Variants in AKAP19 observed in about 807,000 individuals in gnomAD.
AKAP19 encodes A-kinase anchoring protein 19.
At chr2:190,174,732 T>C in the AKAP19 span, among the ~76,000 whole-genome samples, 1 of 152,178 alleles carries the variant, frequency 6.6e-6, no homozygotes. Flanking sequence ...TATTGCAGTA[T>C]TTATATGACT....
chr2:189,975,959 G>A, the AKAP19 span, among the ~76,000 whole-genome samples: 24 of 152,046 alleles, frequency 1.6e-4, no homozygotes, highest in Admixed American at 6.5e-4. Flanking sequence ...AAGTTTGATC[G>A]TCTGAAGCCC....
chr2:189,882,745 G>C, the AKAP19 span, among the ~76,000 whole-genome samples: 5 of 152,048 alleles, frequency 3.3e-5, no homozygotes, highest in African/African-American at 1.2e-4. Flanking sequence ...AACTGTTTTA[G>C]GGTAAAGATC....
the AKAP19 span, among the ~76,000 whole-genome samples, chr2:190,132,992 T>C: frequency 6.6e-6 from 1 of 152,106 alleles, no homozygotes; most frequent in South Asian, 2.1e-4. Context: ...ATCCCAGCAC[T>C]TTGGGAGGCC....
At chr2:190,130,983 C>G in the AKAP19 span, among the ~76,000 whole-genome samples, 1 of 152,114 alleles carries the variant, frequency 6.6e-6, no homozygotes, top group African/African-American at 2.4e-5. Context: ...GGTCCATGGC[C>G]AGAGACCAGA....
At chr2:189,922,036 C>T in the AKAP19 span, among the ~76,000 whole-genome samples, 3 of 152,062 alleles carry the variant, frequency 2.0e-5, no homozygotes, top group African/African-American at 7.2e-5. Flanking sequence ...CAGAAAGGTT[C>T]TGGAAGAGGT....
the AKAP19 span, chr2:189,931,146 T>A: frequency 3.0e-6 from 1 of 328,842 alleles, no homozygotes; most frequent in Admixed American, 5.0e-5. Flanking sequence ...TCCACTAGTT[T>A]TAGCATCTAC....
chr2:189,974,456 T>C, the AKAP19 span, among the ~76,000 whole-genome samples: 1 of 152,202 alleles, frequency 6.6e-6, no homozygotes, highest in Non-Finnish European at 1.5e-5. Context: ...GTATATTCTG[T>C]TGATTTGGGG....
At chr2:190,062,963 A>C in the AKAP19 span, among the ~76,000 whole-genome samples, 3 of 152,228 alleles carry the variant, frequency 2.0e-5, no homozygotes, top group South Asian at 6.2e-4. Flanking sequence ...ACATTTGAAA[A>C]ACAAAAGTCT....
chr2:190,032,143 T>A, the AKAP19 span, among the ~76,000 whole-genome samples: 3 of 152,342 alleles, frequency 2.0e-5, no homozygotes, highest in Admixed American at 6.5e-5. Flanking sequence ...TCTATAGTTT[T>A]CTGTTAAGGA....
At chr2:190,191,409 TACTGGGA>T in the AKAP19 span, among the ~76,000 whole-genome samples, 1 of 152,204 alleles carries the variant, frequency 6.6e-6, no homozygotes, top group Non-Finnish European at 1.5e-5. Context: ...CCTCCCAAAA[TACTGGGA>T]TTACAGGCAT....
At chr2:189,982,146 C>T in the AKAP19 span, among the ~76,000 whole-genome samples, 2 of 152,002 alleles carry the variant, frequency 1.3e-5, no homozygotes, top group Non-Finnish European at 2.9e-5. Context: ...AATGCTATTA[C>T]ATTATAGGTT....
chr2:189,995,156 A>G, the AKAP19 span, among the ~76,000 whole-genome samples: 96 of 152,294 alleles, frequency 6.3e-4, no homozygotes, highest in African/African-American at 2.2e-3. Context: ...TCTAGGGTAT[A>G]GTTTAAGTCC....
the AKAP19 span, among the ~76,000 whole-genome samples, chr2:189,938,275 G>T: frequency 6.6e-6 from 1 of 151,252 alleles, no homozygotes. Context: ...AGTAGAGGTT[G>T]CTGTGAGCCG....
the AKAP19 span, among the ~76,000 whole-genome samples, chr2:189,959,448 AT>A: frequency 1.3e-5 from 2 of 151,986 alleles, no homozygotes; most frequent in East Asian, 1.9e-4. Context: ...ATGTACACTG[AT>A]TTTTTTTCAG....
chr2:190,023,266 G>A, the AKAP19 span, among the ~76,000 whole-genome samples: 4 of 151,996 alleles, frequency 2.6e-5, no homozygotes, highest in Admixed American at 1.3e-4. Context: ...TTAATCCCAT[G>A]TTTTCTTATC....
chr2:189,958,862 A>G, the AKAP19 span, among the ~76,000 whole-genome samples: 1 of 152,174 alleles, frequency 6.6e-6, no homozygotes. Context: ...GAATACTTAA[A>G]GCATTATTTA....
At chr2:189,951,996 C>T in the AKAP19 span, among the ~76,000 whole-genome samples, 1 of 152,194 alleles carries the variant, frequency 6.6e-6, no homozygotes, top group Non-Finnish European at 1.5e-5. Flanking sequence ...AAACAAACTA[C>T]ACAAACTGAA....
the AKAP19 span, among the ~76,000 whole-genome samples, chr2:189,999,240 C>T: frequency 1.3e-5 from 2 of 151,948 alleles, no homozygotes; most frequent in Non-Finnish European, 2.9e-5. Flanking sequence ...TACCTGTAAG[C>T]ACTGCTTTAG....
chr2:190,045,803 C>G, the AKAP19 span, among the ~76,000 whole-genome samples: 1 of 152,172 alleles, frequency 6.6e-6, no homozygotes, highest in Admixed American at 6.5e-5. Flanking sequence ...GGTCTAAACT[C>G]CCACTTTGCC....
Sources: gnomAD v4.1 joint callset for allele counts (sites outside exome capture counted in the v4.1 genomes callset) on GRCh38, gnomAD v4.1.1 for gene constraint, MANE v1.5 for transcripts, NCBI Gene and HGNC (gene_info 2026-07-23, HGNC 2026-07-21) for gene names.